The following STXBP6 variants were observed in gnomAD, a reference collection of about 807,000 sequenced individuals.
STXBP6 encodes the protein syntaxin binding protein 6.
In STXBP6, 21 loss-of-function variants were observed where a neutral mutation model predicts 26.9. The ratio of observed to expected loss-of-function variants is 0.78; its 90% CI spans 0.55 to 1.12. The LOEUF (loss-of-function observed/expected upper bound fraction) is 1.12, where lower values mean the gene tolerates loss of function less well. Ranked by LOEUF, STXBP6 falls within the 50% of genes most tolerant of loss-of-function variation. The pLI, the probability that STXBP6 is intolerant of heterozygous loss-of-function variation, is 0.00. For synonymous variants in STXBP6, 97 were observed against 92.6 expected (o/e 1.05, Z -0.27); for missense variants, 232 against 257.9 (o/e 0.90, Z 0.69).
intron 2 of STXBP6, among the ~76,000 whole-genome samples, chr14:24,863,198 C>T (rs1200136180): frequency 1.3e-5 from 2 of 152,134 alleles, no homozygotes; most frequent in East Asian, 3.9e-4. Flanking sequence ...CCCCACTGCC[C>T]TCCCCAGACT....
intron 1 of STXBP6, among the ~76,000 whole-genome samples, chr14:24,981,862 T>C (rs557362468): frequency 1.3e-5 from 2 of 152,320 alleles, no homozygotes; most frequent in East Asian, 1.9e-4. Flanking sequence ...GAATATTACA[T>C]ATCCTTTTAA....
chr14:25,037,210 CACAGAGCCCCATTTG>C (rs2075570492), intron 1 of STXBP6, among the ~76,000 whole-genome samples: 1 of 152,168 alleles, frequency 6.6e-6, no homozygotes, highest in Non-Finnish European at 1.5e-5. Flanking sequence ...CTCCTGTCTC[CACAGAGCCCCATTTG>C]ACAGAGGCCC....
intron 4 of STXBP6, among the ~76,000 whole-genome samples, chr14:24,836,392 C>T (rs768740182): frequency 6.6e-6 from 1 of 151,898 alleles, no homozygotes. Context: ...AGGTTAGCAG[C>T]TCGAGACCAG....
chr14:24,958,633 C>G (rs944856050), intron 2 of STXBP6, among the ~76,000 whole-genome samples: 9 of 152,112 alleles, frequency 5.9e-5, no homozygotes, highest in African/African-American at 2.2e-4. Context: ...CATAAATACA[C>G]TTTTTGTAAC....
At chr14:24,952,301 T>TAAA (rs1010524341) in intron 2 of STXBP6, among the ~76,000 whole-genome samples, 1 of 139,074 alleles carries the variant, frequency 7.2e-6, no homozygotes, top group African/African-American at 2.6e-5. Context: ...CTTTATCCCT[T>TAAA]AAAAAAAAAA....
intron 2 of STXBP6, among the ~76,000 whole-genome samples, chr14:24,877,075 G>A (rs1321767998): frequency 6.6e-6 from 1 of 152,172 alleles, no homozygotes; most frequent in Admixed American, 6.5e-5. Flanking sequence ...TAAGCTTATA[G>A]GGAATGCTAA....
chr14:24,977,115 C>T (rs373000367), intron 1 of STXBP6, among the ~76,000 whole-genome samples: 7 of 149,914 alleles, frequency 4.7e-5, no homozygotes, highest in African/African-American at 7.4e-5. Flanking sequence ...GCACCCGCCT[C>T]GGCCTCCCTA....
At chr14:24,835,722 A>G (rs1255134788) in intron 4 of STXBP6, among the ~76,000 whole-genome samples, 2 of 152,244 alleles carry the variant, frequency 1.3e-5, no homozygotes, top group African/African-American at 2.4e-5. Flanking sequence ...TGGAATAAAC[A>G]AAGTAGACTG....
intron 2 of STXBP6, among the ~76,000 whole-genome samples, chr14:24,938,017 G>A (rs1046596437): frequency 6.6e-6 from 1 of 152,196 alleles, no homozygotes; most frequent in Non-Finnish European, 1.5e-5. Context: ...CGAGCAATCT[G>A]CCTGGCTTTA....
intron 2 of STXBP6, among the ~76,000 whole-genome samples, chr14:24,923,255 T>A (rs1274185572): frequency 6.6e-6 from 1 of 152,142 alleles, no homozygotes; most frequent in African/African-American, 2.4e-5. Flanking sequence ...AGGAAATATA[T>A]CCTCCTGCAA....
At chr14:24,917,088 G>A (rs1850436737) in intron 2 of STXBP6, among the ~76,000 whole-genome samples, 2 of 152,090 alleles carry the variant, frequency 1.3e-5, no homozygotes, top group South Asian at 2.1e-4. Flanking sequence ...GGAAGACAGA[G>A]TAGGAGGAAG....
At chr14:24,941,513 T>C (rs530065272) in intron 2 of STXBP6, among the ~76,000 whole-genome samples, 2 of 152,322 alleles carry the variant, frequency 1.3e-5, no homozygotes, top group South Asian at 4.2e-4. Flanking sequence ...AGGTTGTATG[T>C]AGCGGTAGGG....
chr14:24,887,930 T>G (rs2070649769), intron 2 of STXBP6, among the ~76,000 whole-genome samples: 1 of 152,334 alleles, frequency 6.6e-6, no homozygotes, highest in East Asian at 1.9e-4. Context: ...TTTCTTTATT[T>G]TTGCTATTCT....
intron 2 of STXBP6, among the ~76,000 whole-genome samples, chr14:24,865,474 A>G (rs1386124325): frequency 1.3e-5 from 2 of 152,200 alleles, no homozygotes; most frequent in Admixed American, 6.5e-5. Context: ...AGAGAGACAC[A>G]GAGAAAACTC....
intron 4 of STXBP6, among the ~76,000 whole-genome samples, chr14:24,843,540 A>G (rs745431492): frequency 2.6e-5 from 4 of 152,202 alleles, no homozygotes; most frequent in African/African-American, 7.2e-5. Context: ...GCACCATGCT[A>G]TATGTTTTAT....
intron 4 of STXBP6, among the ~76,000 whole-genome samples, chr14:24,843,414 C>G (rs2139043317): frequency 6.6e-6 from 1 of 152,272 alleles, no homozygotes. Flanking sequence ...AAATCAGGTT[C>G]TATACAAATT....
chr14:25,030,129 A>C (rs571137881), intron 1 of STXBP6, among the ~76,000 whole-genome samples: 1 of 152,222 alleles, frequency 6.6e-6, no homozygotes, highest in African/African-American at 2.4e-5. Context: ...AATGACTACA[A>C]TGGCATCCCT....
chr14:25,009,891 AT>A (rs1465597575), intron 1 of STXBP6, among the ~76,000 whole-genome samples: 2 of 152,172 alleles, frequency 1.3e-5, no homozygotes, highest in African/African-American at 2.4e-5. Context: ...CCAGGGAGAA[AT>A]GCTAACAGGC....
intron 2 of STXBP6, among the ~76,000 whole-genome samples, chr14:24,970,251 A>G (rs1337655640): frequency 6.6e-6 from 1 of 152,176 alleles, no homozygotes; most frequent in Non-Finnish European, 1.5e-5. Context: ...AAAAAAAAAA[A>G]AAATCAATTT....
Sources: gnomAD v4.1 joint callset for allele counts (sites outside exome capture counted in the v4.1 genomes callset) on GRCh38, gnomAD v4.1.1 for gene constraint, MANE v1.5 for transcripts, NCBI Gene and HGNC (gene_info 2026-07-23, HGNC 2026-07-21) for gene names.